The following MBOAT1 variants were observed in gnomAD, a reference collection of about 807,000 sequenced individuals.
The protein encoded by MBOAT1 is membrane bound glycerophospholipid O-acyltransferase 1, also known as membrane-bound glycerophospholipid O-acyltransferase 1.
Under a neutral mutation model 64.4 loss-of-function variants are expected in MBOAT1, and 67 were observed. The ratio of observed to expected loss-of-function variants is 1.04; its 90% CI spans 0.85 to 1.27. MBOAT1 has a LOEUF of 1.27. Ranked by LOEUF, MBOAT1 falls within the 50% of genes most tolerant of loss-of-function variation. MBOAT1 has a pLI of 0.00. For synonymous variants in MBOAT1, 229 were observed against 218.9 expected (o/e 1.05, Z -0.41); for missense variants, 563 against 604.6 (o/e 0.93, Z 0.72).
intron 3 of MBOAT1, among the ~76,000 whole-genome samples, chr6:20,147,774 T>A (rs2113686511): frequency 6.6e-6 from 1 of 152,316 alleles, no homozygotes; most frequent in East Asian, 1.9e-4. Context: ...GAAAAAAAAC[T>A]ATATTCCATA....
chr6:20,147,330 G>T (rs1446634554), intron 3 of MBOAT1, among the ~76,000 whole-genome samples: 1 of 152,240 alleles, frequency 6.6e-6, no homozygotes, highest in African/African-American at 2.4e-5. Flanking sequence ...TTCTAGGAAG[G>T]AGAGGTGTGG....
chr6:20,198,459 T>C (rs1204817863), intron 1 of MBOAT1, among the ~76,000 whole-genome samples: 1 of 152,232 alleles, frequency 6.6e-6, no homozygotes, highest in African/African-American at 2.4e-5. Context: ...GGAAATGAGA[T>C]GCATTAGTGG....
chr6:20,105,553 C>T (rs948604281), intron 12 of MBOAT1, among the ~76,000 whole-genome samples: 9 of 152,102 alleles, frequency 5.9e-5, no homozygotes, highest in African/African-American at 2.2e-4. Flanking sequence ...TTGCTTGAGT[C>T]CAAGAGTTTG....
intron 1 of MBOAT1, among the ~76,000 whole-genome samples, chr6:20,199,372 A>G (rs1763055555): frequency 6.6e-6 from 1 of 152,194 alleles, no homozygotes; most frequent in Admixed American, 6.5e-5. Flanking sequence ...AGATTAATAT[A>G]TTTCTAAAGA....
chr6:20,118,600 A>G, intron 8 of MBOAT1, 60 bp from the exon 9 acceptor site: 1 of 1,332,242 alleles, frequency 7.5e-7, no homozygotes, highest in South Asian at 1.2e-5. Context: ...CTGCTTTTAA[A>G]AGACACTAAA....
At chr6:20,211,578 C>A (rs1264448712) in intron 1 of MBOAT1, among the ~76,000 whole-genome samples, 1 of 152,174 alleles carries the variant, frequency 6.6e-6, no homozygotes, top group East Asian at 1.9e-4. Flanking sequence ...CAGCCCCAGG[C>A]ATATGAGCCA....
At chr6:20,177,993 C>T (rs992969977) in intron 1 of MBOAT1, among the ~76,000 whole-genome samples, 1 of 152,150 alleles carries the variant, frequency 6.6e-6, no homozygotes, top group Non-Finnish European at 1.5e-5. Flanking sequence ...GGGAGACTCC[C>T]TGGCATTGAG....
At position 20,197,026 on chromosome 6, in the gene MBOAT1, T is replaced by C. The variant is rs192839216; in HGVS notation, c.99+15110A>G. On this transcript the variant is annotated intron_variant, in intron 1 of 12. Transcript: ENST00000324607. ...TGGTTATATACCAATGTTGGTTTTG[T>C]AGTTTTGACAAATATACCATAGTTA... 6.6e-5 allele frequency among the ~76,000 whole-genome samples: 10 copies of C among 152,304 alleles called. No individual in the cohort carries two copies. In the East Asian group the frequency reaches 1.9e-3, roughly 29 times the overall value.
rs549828294 is a variant in MBOAT1 at position 20,148,971 on chromosome 6, C to T, written c.323+2214G>A. On this transcript the variant is annotated intron_variant, in intron 3 of 12. Transcript: ENST00000324607. ...CAAAAATTAGCCAGGTGTAGTGGCA[C>T]GCGCCTGTAGTCCCAGCTACTCGGA... 3.0e-4 allele frequency among the ~76,000 whole-genome samples: 46 copies of T among 151,818 alleles called. 1 individual carries two copies. In the East Asian group the frequency reaches 7.8e-3, roughly 26 times the overall value.
intron 1 of MBOAT1, among the ~76,000 whole-genome samples, chr6:20,201,740 C>A (rs1209913812): frequency 2.0e-5 from 3 of 151,784 alleles, no homozygotes; most frequent in Non-Finnish European, 4.4e-5. Flanking sequence ...ATCACCACAC[C>A]CGGCTAATTT....
intron 1 of MBOAT1, among the ~76,000 whole-genome samples, chr6:20,204,945 C>G (rs1430459426): frequency 2.0e-5 from 3 of 152,102 alleles, no homozygotes; most frequent in Non-Finnish European, 4.4e-5. Context: ...AACTATAATC[C>G]CCGCATTTTG....
chr6:20,187,488 G>A (rs563632817), intron 1 of MBOAT1, among the ~76,000 whole-genome samples: 1 of 152,338 alleles, frequency 6.6e-6, no homozygotes, highest in Admixed American at 6.5e-5. Flanking sequence ...GTTTCAGAGA[G>A]TTCACCTTCT....
intron 1 of MBOAT1, among the ~76,000 whole-genome samples, chr6:20,166,715 A>G (rs1042666818): frequency 1.2e-4 from 18 of 152,078 alleles, no homozygotes; most frequent in African/African-American, 4.3e-4. Flanking sequence ...AGGCGGGAGG[A>G]TGGTTTGAGC....
At chr6:20,130,890 T>A (rs925533150) in intron 5 of MBOAT1, among the ~76,000 whole-genome samples, 1 of 152,112 alleles carries the variant, frequency 6.6e-6, no homozygotes, top group Non-Finnish European at 1.5e-5. Flanking sequence ...TAAAACATTG[T>A]AAAGATAAAC....
intron 12 of MBOAT1, among the ~76,000 whole-genome samples, chr6:20,103,792 A>T (rs1425452758): frequency 6.6e-6 from 1 of 152,224 alleles, no homozygotes; most frequent in Admixed American, 6.5e-5. Flanking sequence ...TTTAAAGTTT[A>T]TAAAGTAAAG....
intron 1 of MBOAT1, among the ~76,000 whole-genome samples, chr6:20,196,381 T>C (rs1195249536): frequency 6.6e-6 from 1 of 152,104 alleles, no homozygotes; most frequent in Non-Finnish European, 1.5e-5. Context: ...TTATATTAAA[T>C]GTCCAGGAGA....
intron 3 of MBOAT1, 126 bp downstream of exon 3, chr6:20,151,059 T>C: frequency 1.6e-6 from 1 of 638,408 alleles, no homozygotes; most frequent in South Asian, 2.1e-5. Context: ...CTCCTGATAT[T>C]CTAGATAAAC....
chr6:20,199,926 C>CCT (rs1763072286), intron 1 of MBOAT1, among the ~76,000 whole-genome samples: 1 of 152,140 alleles, frequency 6.6e-6, no homozygotes, highest in Non-Finnish European at 1.5e-5. Flanking sequence ...CAAGATCGTG[C>CCT]CACTGCACTC....
intron 1 of MBOAT1, among the ~76,000 whole-genome samples, chr6:20,197,507 G>C (rs2113765265): frequency 6.6e-6 from 1 of 152,256 alleles, no homozygotes; most frequent in Middle Eastern, 3.4e-3. Context: ...CACTAAGCCA[G>C]ACTAAGCAAA....
Sources: allele counts gnomAD v4.1 joint callset (sites outside exome capture counted in the v4.1 genomes callset), GRCh38; gene constraint gnomAD v4.1.1; transcripts MANE v1.5; gene names NCBI Gene and HGNC (gene_info 2026-07-23, HGNC 2026-07-21).